Variants in IPP observed in about 807,000 individuals in gnomAD.
IPP encodes actin-binding protein IPP.
Under a neutral mutation model 64.1 loss-of-function variants are expected in IPP, and 41 were observed. The ratio of observed to expected loss-of-function variants is 0.64; its 90% CI spans 0.50 to 0.83. The LOEUF (loss-of-function observed/expected upper bound fraction) is 0.83. IPP is among the 40% of genes least tolerant of loss of function. IPP has a pLI of 0.00. For synonymous variants in IPP, 214 were observed against 235.2 expected, an observed-to-expected ratio of 0.91 and a Z score of 0.83; for missense variants, 649 against 703.0, an observed-to-expected ratio of 0.92 and a Z score of 0.87.
intron 8 of IPP, 63 bp downstream of exon 8, chr1:45,714,183 C>T: frequency 8.3e-7 from 1 of 1,209,690 alleles, no homozygotes; most frequent in Non-Finnish European, 1.2e-6. Context: ...AGTGCATCAC[C>T]ACAGATCTTA....
At chr1:45,721,681 G>A (rs1645733025) in intron 5 of IPP, among the ~76,000 whole-genome samples, 1 of 152,246 alleles carries the variant, frequency 6.6e-6, no homozygotes, top group South Asian at 2.1e-4. Context: ...AAAACTGGGA[G>A]TGGTCTTGGG....
chr1:45,730,463 C>A (rs1251229122), intron 3 of IPP, among the ~76,000 whole-genome samples: 5 of 151,730 alleles, frequency 3.3e-5, no homozygotes, highest in Admixed American at 6.6e-5. Context: ...TCTATACTTA[C>A]AACGTAACAA....
chr1:45,713,095 C>T (rs930388299), intron 8 of IPP, among the ~76,000 whole-genome samples: 1 of 152,078 alleles, frequency 6.6e-6, no homozygotes, highest in Non-Finnish European at 1.5e-5. Context: ...ATCATCTAAG[C>T]TTCCACTTTA....
chr1:45,698,263 G>A (rs995962468), downstream of IPP, among the ~76,000 whole-genome samples: 2 of 152,138 alleles, frequency 1.3e-5, no homozygotes, highest in African/African-American at 4.8e-5. Context: ...TTGCACTCCA[G>A]CCTGGGCAAC....
At chr1:45,694,690 A>G (rs1645371740), downstream of IPP, 7 of 540,672 alleles carry the variant, frequency 1.3e-5, no homozygotes, top group South Asian at 1.8e-4. Context: ...TAAGTTGGAC[A>G]TGTTTTCCAG....
At chr1:45,743,432 C>A (rs1168460916) in intron 2 of IPP, among the ~76,000 whole-genome samples, 1 of 151,150 alleles carries the variant, frequency 6.6e-6, no homozygotes, top group Non-Finnish European at 1.5e-5. Context: ...AAAAAATTAG[C>A]CAGGTGTGGT....
rs1323373004 is a variant in IPP, at chr1:45,749,755, C to T, written c.-51+842G>A. ...CAGGATGGTCTCGATCTCCTGACCT[C>T]GTGATCCGCCCGCCTCGGCCTCCCA... is the stretch of plus-strand genomic sequence containing the variant. On this transcript the variant is annotated intron_variant, in intron 1 of 8. Transcript: ENST00000396478. Among the ~76,000 whole-genome samples, 3 of 151,832 alleles carry T rather than the reference C, an allele frequency of 2.0e-5. No homozygotes were observed. The East Asian group carries it at 5.8e-4, about 29-fold the overall frequency.
intron 3 of IPP, among the ~76,000 whole-genome samples, chr1:45,733,089 A>C (rs1374558738): frequency 6.6e-6 from 1 of 152,150 alleles, no homozygotes; most frequent in South Asian, 2.1e-4. Context: ...CTTCAAAACA[A>C]ATCAAGAATA....
chr1:45,750,275 AGCTAATAATCGTTCCTGC>A (rs1646203879), intron 1 of IPP, among the ~76,000 whole-genome samples: 1 of 152,178 alleles, frequency 6.6e-6, no homozygotes, highest in Non-Finnish European at 1.5e-5. Flanking sequence ...CTACACTAAA[AGCTAATAATCGTTCCTGC>A]GCTACCTAAA....
downstream of IPP, among the ~76,000 whole-genome samples, chr1:45,695,492 C>T (rs974126764): frequency 1.3e-5 from 2 of 152,078 alleles, no homozygotes; most frequent in African/African-American, 4.8e-5. Context: ...AAAAGCAACA[C>T]CTTAGATTTT....
rs536133722 is a variant in IPP, at chr1:45,715,364, G to A, written c.1310-898C>T. Among the ~76,000 whole-genome samples the A allele has an allele frequency of 9.9e-5, 15 of 151,938 alleles. No homozygotes were observed. The East Asian group carries it at 1.2e-3, about 12-fold the overall frequency. ...TATTTTAAGAAATGTGGGCTAGGCC[G>A]GGCGCGGTGGCTCACGCCTGTAATC... is the stretch of plus-strand genomic sequence containing the variant. On this transcript the variant is annotated intron_variant, in intron 7 of 8. Transcript: ENST00000396478.
chr1:45,733,400 G>A (rs1460697164), intron 3 of IPP, among the ~76,000 whole-genome samples: 2 of 151,568 alleles, frequency 1.3e-5, no homozygotes, highest in Non-Finnish European at 2.9e-5. Context: ...ACTCCAGCCT[G>A]GGTGACAAAG....
chr1:45,714,735 C>CT (rs1265671643), intron 7 of IPP, among the ~76,000 whole-genome samples: 1 of 152,090 alleles, frequency 6.6e-6, no homozygotes, highest in Non-Finnish European at 1.5e-5. Flanking sequence ...ATCTAATTGT[C>CT]TGCTTGGTGA....
At chr1:45,695,214 G>A (rs1204590141), downstream of IPP, among the ~76,000 whole-genome samples, 2 of 152,180 alleles carry the variant, frequency 1.3e-5, no homozygotes, top group African/African-American at 4.8e-5. Flanking sequence ...GCTCAGGCCA[G>A]AGTGTAGTGG....
chr1:45,735,295 G>A (rs909132669), intron 3 of IPP, among the ~76,000 whole-genome samples: 1 of 151,768 alleles, frequency 6.6e-6, no homozygotes, highest in Non-Finnish European at 1.5e-5. Context: ...TATTGGCCAG[G>A]CTGGTCTCGA....
chr1:45,715,217 T>A (rs1645641904), intron 7 of IPP, among the ~76,000 whole-genome samples: 1 of 146,350 alleles, frequency 6.8e-6, no homozygotes, highest in Admixed American at 6.9e-5. Flanking sequence ...AAAAAAAAAT[T>A]ACTACGGTAA....
chr1:45,722,628 C>T (rs1242651991), intron 5 of IPP, among the ~76,000 whole-genome samples: 1 of 152,024 alleles, frequency 6.6e-6, no homozygotes, highest in Admixed American at 6.6e-5. Context: ...ATATATATCT[C>T]AAAAAGTTAA....
rs865828587 is a variant in IPP, at chr1:45,725,157, T to C, written c.1048+2474A>G. The stretch of plus-strand genomic sequence containing the variant: ...CCCGGCCAGCCGCCCCGTCCGGGAG[T>C]GGGGTGGGGGGTCAGCCCCCCGCCC... On this transcript the variant is annotated intron_variant, in intron 5 of 8. Coordinates refer to ENST00000396478, the MANE Select transcript of IPP (RefSeq NM_005897.3). Among the ~76,000 whole-genome samples the C allele has an allele frequency of 2.0e-4, 5 of 25,090 alleles. 1 individual carries two copies. The South Asian group carries it at 4.0e-3, about 20-fold the overall frequency. 16.5% of individuals were successfully genotyped at this position (25,090 alleles called of 152,430 possible). A position where few individuals can be genotyped will look rare whatever the true frequency, so the allele number is the denominator to read the frequency against.
At position 45,747,656 on chromosome 1, in the gene IPP, C is replaced by G. The variant is rs986535091; in HGVS notation, c.-50-1195G>C. 2.6e-5 allele frequency among the ~76,000 whole-genome samples: 4 copies of G among 151,708 alleles called. No homozygotes were observed. The East Asian group carries it at 5.8e-4, about 22-fold the overall frequency. Reference sequence around the variant, plus strand: ...CAACCTGACCAACATGACAAAACCCCGTCTCTTCTAAAAATATAAAAATTA... The same window carrying G: ...CAACCTGACCAACATGACAAAACCCGGTCTCTTCTAAAAATATAAAAATTA... On this transcript the variant is annotated intron_variant, in intron 1 of 8. Transcript: ENST00000396478.
Sources: gnomAD v4.1 joint callset for allele counts (sites outside exome capture counted in the v4.1 genomes callset) on GRCh38, gnomAD v4.1.1 for gene constraint, MANE v1.5 for transcripts, NCBI Gene and HGNC (gene_info 2026-07-23, HGNC 2026-07-21) for gene names.